Variants in DMD observed in about 807,000 individuals in gnomAD.
The protein encoded by DMD is mutant dystrophin.
Under a neutral mutation model 330.1 loss-of-function variants are expected in DMD, and 63 were observed. The observed-to-expected ratio is 0.19, with a 90% confidence interval of 0.16 to 0.24. DMD has a LOEUF of 0.24. DMD is among the 10% of genes least tolerant of loss of function. The probability of loss-of-function intolerance (pLI) is 1.00; values close to 1 mark genes in which losing one functional copy is unlikely to be tolerated. For synonymous variants in DMD, 1,223 were observed against 959.8 expected (o/e 1.27, Z -5.07); for missense variants, 3,344 against 2,684.1 (o/e 1.25, Z -5.43).
rs1234458823 is a variant in DMD, at chrX:32,676,241, TAGA to T, written c.960+21626_960+21628del. Among the ~76,000 whole-genome samples the T allele has an allele frequency of 2.7e-5, 3 of 111,255 alleles. No individual in the cohort carries two copies. The Admixed American group carries it at 2.9e-4, about 11-fold the overall frequency. On this transcript the variant is annotated intron_variant, in intron 9 of 78. Transcript: ENST00000357033. ...ATAACACATTCTTCAGTTGAAGCAA[TAGA>T]GCCCTTTCACTACCTGTTCTGGGAA...
chrX:33,325,370 T>C (rs2054074203), intron 1 of DMD, among the ~76,000 whole-genome samples: 1 of 112,080 alleles, frequency 8.9e-6, no homozygotes, highest in African/African-American at 3.3e-5. Flanking sequence ...ACAGAGAAGA[T>C]TTAGGAGATT....
intron 53 of DMD, among the ~76,000 whole-genome samples, chrX:31,660,821 C>T (rs977522593): frequency 9.0e-6 from 1 of 111,368 alleles, no homozygotes; most frequent in African/African-American, 3.3e-5. Flanking sequence ...GAGGTTATAC[C>T]ATTTGGATGG....
chrX:31,834,293 C>G (rs1047564149), intron 49 of DMD, among the ~76,000 whole-genome samples: 1 of 111,418 alleles, frequency 9.0e-6, no homozygotes, highest in Non-Finnish European at 1.9e-5. Flanking sequence ...TTTTTTGAGC[C>G]TCTAGGTGTT....
intron 1 of DMD, among the ~76,000 whole-genome samples, chrX:33,081,067 T>C (rs754761516): frequency 9.1e-6 from 1 of 109,860 alleles, no homozygotes; most frequent in Non-Finnish European, 1.9e-5. Context: ...TATTTGCCAG[T>C]TTCTTAATCA....
chrX:32,923,692 G>A (rs2088683371), intron 2 of DMD, among the ~76,000 whole-genome samples: 1 of 111,997 alleles, frequency 8.9e-6, no homozygotes, highest in Non-Finnish European at 1.9e-5. Flanking sequence ...AACTTTCTGT[G>A]TAGTGGTGAT....
rs377697404 is a variant in DMD, at chrX:31,912,645, A to G, written c.6912+16951T>C. Among the ~76,000 whole-genome samples, 48 of 111,646 alleles carry G rather than the reference A, an allele frequency of 4.3e-4. 1 individual carries two copies. In the South Asian group the frequency reaches 0.018, roughly 42 times the overall value. ...TTTAAAATTCACGGTCCCAAACTGC[A>G]ATTTCTTTTGCACCAACCTAATATA... On this transcript the variant is annotated intron_variant, in intron 47 of 78. Transcript: ENST00000357033.
intron 61 of DMD, among the ~76,000 whole-genome samples, chrX:31,337,922 T>A (rs1429750389): frequency 8.9e-6 from 1 of 111,839 alleles, no homozygotes; most frequent in African/African-American, 3.3e-5. Flanking sequence ...CCCATTCAGC[T>A]CTAAAGCCAG....
intron 47 of DMD, among the ~76,000 whole-genome samples, chrX:31,901,171 T>C (rs1208773817): frequency 9.0e-6 from 1 of 111,192 alleles, no homozygotes; most frequent in African/African-American, 3.3e-5. Context: ...TGGGACAGAG[T>C]TGTGCTCAAG....
At chrX:31,367,836 T>C (rs745970342) in intron 60 of DMD, among the ~76,000 whole-genome samples, 1 of 111,865 alleles carries the variant, frequency 8.9e-6, no homozygotes, top group African/African-American at 3.2e-5. Context: ...ACTCCTCCAA[T>C]GACACAAAGC....
intron 9 of DMD, among the ~76,000 whole-genome samples, chrX:32,690,891 G>T (rs1455931307): frequency 9.0e-6 from 1 of 111,248 alleles, no homozygotes; most frequent in African/African-American, 3.3e-5. Flanking sequence ...AAAACTCCTA[G>T]AAGAAAACAT....
At chrX:32,706,974 C>A (rs1289504919) in intron 7 of DMD, among the ~76,000 whole-genome samples, 1 of 110,521 alleles carries the variant, frequency 9.0e-6, no homozygotes, top group East Asian at 2.8e-4. Flanking sequence ...TGCCTGTAAT[C>A]CCACCTACTC....
chrX:31,295,088 C>T (rs753580581), intron 62 of DMD, among the ~76,000 whole-genome samples: 18 of 111,101 alleles, frequency 1.6e-4, no homozygotes, highest in Non-Finnish European at 3.2e-4. Context: ...GCTCCAGCCC[C>T]GGGTTCACGC....
At chrX:31,821,856 T>G (rs2092768587) in intron 49 of DMD, among the ~76,000 whole-genome samples, 1 of 112,291 alleles carries the variant, frequency 8.9e-6, no homozygotes, top group African/African-American at 3.2e-5. Flanking sequence ...ATTTCTAGTC[T>G]GAAGAATCAG....
intron 27 of DMD, among the ~76,000 whole-genome samples, chrX:32,442,315 C>G (rs1178612086): frequency 1.8e-5 from 2 of 110,423 alleles, no homozygotes; most frequent in Non-Finnish European, 3.8e-5. Flanking sequence ...GCCAGCAAGT[C>G]AAATAGAAGA....
chrX:31,688,295 C>T (rs1364242941), intron 52 of DMD, among the ~76,000 whole-genome samples: 1 of 109,854 alleles, frequency 9.1e-6, no homozygotes, highest in Admixed American at 9.6e-5. Flanking sequence ...ATATCACCAC[C>T]GACACCACAG....
chrX:31,801,174 C>T (rs994519474), intron 50 of DMD, among the ~76,000 whole-genome samples: 12 of 111,635 alleles, frequency 1.1e-4, no homozygotes, highest in Non-Finnish European at 2.1e-4. Context: ...CTCACAGTTC[C>T]GCATGGCTTC....
chrX:32,546,791 A>T (rs1375243243), intron 16 of DMD, among the ~76,000 whole-genome samples: 8 of 101,978 alleles, frequency 7.8e-5, no homozygotes, highest in Non-Finnish European at 1.3e-4. Context: ...AAACAACTTT[A>T]ATTATAAGTC....
intron 60 of DMD, among the ~76,000 whole-genome samples, chrX:31,382,761 C>T (rs180922640): frequency 2.6e-4 from 29 of 111,442 alleles, no homozygotes; most frequent in African/African-American, 9.5e-4. Context: ...AGCTTAATCC[C>T]TCCCACTCTA....
At chrX:31,390,017 T>C (rs986624480) in intron 60 of DMD, among the ~76,000 whole-genome samples, 4 of 111,858 alleles carry the variant, frequency 3.6e-5, no homozygotes, top group African/African-American at 1.3e-4. Context: ...TCTCAGATAA[T>C]TTAGAAGTAT....
Sources: allele counts gnomAD v4.1 joint callset (sites outside exome capture counted in the v4.1 genomes callset), GRCh38; gene constraint gnomAD v4.1.1; transcripts MANE v1.5; gene names NCBI Gene and HGNC (gene_info 2026-07-23, HGNC 2026-07-21).